Variants in KLHL1 observed in about 807,000 individuals in gnomAD.
The protein encoded by KLHL1 is kelch-like protein 1.
In KLHL1, 47 loss-of-function variants were observed where a neutral mutation model predicts 77.7. The ratio of observed to expected loss-of-function variants is 0.60; its 90% CI spans 0.48 to 0.77. The LOEUF is 0.77. Ranked by LOEUF, KLHL1 falls within the 30% of genes least tolerant of loss-of-function variation. The pLI, the probability that KLHL1 is intolerant of heterozygous loss-of-function variation, is 0.00. For missense variants in KLHL1, 925 were observed against 910.8 expected, an observed-to-expected ratio of 1.02 and a Z score of -0.20; for synonymous variants, 360 against 325.2, an observed-to-expected ratio of 1.11 and a Z score of -1.15.
intron 4 of KLHL1, among the ~76,000 whole-genome samples, chr13:69,926,300 G>A (rs767653289): frequency 6.6e-6 from 1 of 151,992 alleles, no homozygotes; most frequent in African/African-American, 2.4e-5. Flanking sequence ...TATAGCTTAA[G>A]TTATTTAAAA....
At chr13:69,780,477 C>T (rs1156706065) in intron 7 of KLHL1, among the ~76,000 whole-genome samples, 1 of 151,526 alleles carries the variant, frequency 6.6e-6, no homozygotes, top group African/African-American at 2.4e-5. Flanking sequence ...AGTGTCTGCA[C>T]TAAAACAAGT....
intron 6 of KLHL1, among the ~76,000 whole-genome samples, chr13:69,801,275 G>A (rs1376919124): frequency 3.3e-5 from 5 of 152,074 alleles, no homozygotes; most frequent in Non-Finnish European, 5.9e-5. Context: ...AGTATTGCCA[G>A]GCATTTTGAC....
intron 1 of KLHL1, among the ~76,000 whole-genome samples, chr13:70,074,979 T>G (rs1051054720): frequency 6.6e-6 from 1 of 152,010 alleles, no homozygotes; most frequent in African/African-American, 2.4e-5. Flanking sequence ...TTTATAATAA[T>G]GGAGGTGCCA....
chr13:69,995,772 T>C (rs1027969380), intron 1 of KLHL1, among the ~76,000 whole-genome samples: 8 of 152,134 alleles, frequency 5.3e-5, no homozygotes, highest in Admixed American at 3.9e-4. Context: ...ATCCATACCC[T>C]GGTGTGTTCC....
chr13:69,826,793 T>C (rs533127684), intron 6 of KLHL1, among the ~76,000 whole-genome samples: 1 of 152,238 alleles, frequency 6.6e-6, no homozygotes, highest in African/African-American at 2.4e-5. Flanking sequence ...AAATAATGTG[T>C]TCTTTTAAGA....
At chr13:69,793,471 A>T (rs1024717795) in intron 7 of KLHL1, among the ~76,000 whole-genome samples, 1 of 145,716 alleles carries the variant, frequency 6.9e-6, no homozygotes, top group Non-Finnish European at 1.5e-5. Context: ...TACAGAACTC[A>T]TGTGACTTTC....
chr13:69,762,345 C>T (rs937168514), intron 7 of KLHL1, among the ~76,000 whole-genome samples: 1 of 151,982 alleles, frequency 6.6e-6, no homozygotes, highest in African/African-American at 2.4e-5. Context: ...CATTGGAAGG[C>T]CTATCCCTAA....
At position 70,073,350 on chromosome 13, in the gene KLHL1, T is replaced by C. The variant is rs145701655; in HGVS notation, c.497+33853A>G. ...ACATGTTCTCACTCATAGGTGGGAA[T>C]TGAACAAGGAGAACACTTGGACACA... On this transcript the variant is annotated intron_variant, in intron 1 of 10. Coordinates refer to ENST00000377844, the MANE Select transcript of KLHL1 (RefSeq NM_020866.3). Among the ~76,000 whole-genome samples, 9 of 151,952 alleles carry C rather than the reference T, an allele frequency of 5.9e-5. 1 individual carries two copies. The highest frequency in any genetic ancestry group is 1.9e-4 in the African/African-American group (8 of 41,334).
At chr13:69,925,265 G>C (rs1244625692) in intron 4 of KLHL1, among the ~76,000 whole-genome samples, 1 of 152,154 alleles carries the variant, frequency 6.6e-6, no homozygotes, top group Admixed American at 6.5e-5. Context: ...ACAGTTCAGT[G>C]AGCTAATGAC....
intron 7 of KLHL1, among the ~76,000 whole-genome samples, chr13:69,761,563 G>A (rs1875021544): frequency 6.6e-6 from 1 of 152,112 alleles, no homozygotes; most frequent in South Asian, 2.1e-4. Flanking sequence ...ATAATTAATT[G>A]AATACCAGGA....
At chr13:69,940,018 T>C in intron 4 of KLHL1, 22 bp downstream of exon 4, 1 of 1,555,390 alleles carries the variant, frequency 6.4e-7, no homozygotes. Flanking sequence ...GTCTCCATTA[T>C]TAAAACATTA....
At chr13:69,863,391 A>AGAG in intron 5 of KLHL1, among the ~76,000 whole-genome samples, 1 of 152,108 alleles carries the variant, frequency 6.6e-6, no homozygotes, top group South Asian at 2.1e-4. Context: ...TTAAAACAAA[A>AGAG]TATTAAGGTC....
At chr13:70,103,583 G>A (rs1887976013) in intron 1 of KLHL1, among the ~76,000 whole-genome samples, 3 of 152,202 alleles carry the variant, frequency 2.0e-5, no homozygotes, top group Admixed American at 2.0e-4. Flanking sequence ...GAAGATCGTA[G>A]CTTAGATTAG....
intron 1 of KLHL1, among the ~76,000 whole-genome samples, chr13:69,988,314 A>T (rs981233700): frequency 6.6e-6 from 1 of 152,098 alleles, no homozygotes. Flanking sequence ...TCATGGTTGC[A>T]TACTATTAAA....
At chr13:70,017,704 A>G (rs147467507) in intron 1 of KLHL1, among the ~76,000 whole-genome samples, 1 of 152,374 alleles carries the variant, frequency 6.6e-6, no homozygotes, top group Non-Finnish European at 1.5e-5. Context: ...GCTCACTACT[A>G]TCACGAGCAC....
At chr13:69,971,972 C>T (rs978052703) in intron 2 of KLHL1, among the ~76,000 whole-genome samples, 1 of 151,852 alleles carries the variant, frequency 6.6e-6, no homozygotes, top group Admixed American at 6.6e-5. Context: ...ATCAAGAAAA[C>T]AAAAGTTTTT....
intron 6 of KLHL1, among the ~76,000 whole-genome samples, chr13:69,836,881 G>T (rs892683768): frequency 2.6e-5 from 4 of 151,472 alleles, no homozygotes; most frequent in Non-Finnish European, 4.4e-5. Flanking sequence ...TTAGAAGAGA[G>T]GTATTAATAT....
At chr13:69,891,141 T>C (rs1881413517) in intron 4 of KLHL1, among the ~76,000 whole-genome samples, 1 of 152,070 alleles carries the variant, frequency 6.6e-6, no homozygotes, top group Non-Finnish European at 1.5e-5. Flanking sequence ...TGTTTTGTTA[T>C]CATACGCATA....
chr13:69,842,348 GA>G (rs1273746563), intron 5 of KLHL1, among the ~76,000 whole-genome samples: 1 of 151,548 alleles, frequency 6.6e-6, no homozygotes, highest in East Asian at 1.9e-4. Flanking sequence ...AACTCAACAA[GA>G]AAAAACTAAT....
Sources: gnomAD v4.1 joint callset for allele counts (sites outside exome capture counted in the v4.1 genomes callset) on GRCh38, gnomAD v4.1.1 for gene constraint, MANE v1.5 for transcripts, NCBI Gene and HGNC (gene_info 2026-07-23, HGNC 2026-07-21) for gene names.